The following N4BP1 variants were observed in gnomAD, a reference collection of about 807,000 sequenced individuals.
The protein encoded by N4BP1 is NEDD4-binding protein 1.
Under a neutral mutation model 70.9 loss-of-function variants are expected in N4BP1, and 21 were observed. The ratio of observed to expected loss-of-function variants is 0.30; its 90% CI spans 0.21 to 0.43. The LOEUF (loss-of-function observed/expected upper bound fraction) is 0.43. Ranked by LOEUF, N4BP1 falls within the 20% of genes least tolerant of loss-of-function variation. N4BP1 has a pLI of 1.00. For synonymous variants in N4BP1, 387 were observed against 394.6 expected, an observed-to-expected ratio of 0.98 and a Z score of 0.23; for missense variants, 936 against 1,069.4, an observed-to-expected ratio of 0.88 and a Z score of 1.74.
intron 1 of N4BP1, among the ~76,000 whole-genome samples, chr16:48,590,507 C>G (rs1259086038): frequency 6.6e-6 from 1 of 152,120 alleles, no homozygotes; most frequent in Non-Finnish European, 1.5e-5. Flanking sequence ...GGAGGCTTGT[C>G]CAGGATTGCT....
At chr16:48,555,325 C>G (rs1347116186) in intron 2 of N4BP1, among the ~76,000 whole-genome samples, 1 of 152,170 alleles carries the variant, frequency 6.6e-6, no homozygotes, top group Non-Finnish European at 1.5e-5. Flanking sequence ...GGATCATACT[C>G]CGGCTTCCTC....
chr16:48,605,592 G>A (rs1964567607), intron 1 of N4BP1, among the ~76,000 whole-genome samples: 1 of 152,000 alleles, frequency 6.6e-6, no homozygotes, highest in Non-Finnish European at 1.5e-5. Flanking sequence ...CTCTTATAAG[G>A]ACTTCTCACT....
chr16:48,570,531 GA>G (rs1413121114), intron 1 of N4BP1, among the ~76,000 whole-genome samples: 2 of 152,156 alleles, frequency 1.3e-5, no homozygotes, highest in African/African-American at 4.8e-5. Context: ...TATTTTAGTA[GA>G]GATGGGGTTT....
rs1366709942 is a variant in N4BP1 at position 48,559,819 on chromosome 16, C to T, written c.1889+935G>A. 3.3e-5 allele frequency: 5 copies of T among 152,304 alleles called. No individual in the cohort carries two copies. The East Asian group carries it at 9.6e-4, about 29-fold the overall frequency. The allele number at this position is 152,304 out of a possible 1,614,324, so 9.4% of individuals were successfully genotyped here. ...TCCTGGTTCAGGGTGCTGCCAGATT[C>T]GTAAATCATTGTTCGTGCAGATCAA... is the stretch of plus-strand genomic sequence containing the variant. On this transcript the variant is annotated intron_variant, in intron 2 of 6. Transcript: ENST00000262384.
At chr16:48,575,765 T>C (rs1180624117) in intron 1 of N4BP1, among the ~76,000 whole-genome samples, 4 of 151,988 alleles carry the variant, frequency 2.6e-5, no homozygotes, top group Non-Finnish European at 5.9e-5. Context: ...CAAATGGCAA[T>C]GGACAAACAG....
At chr16:48,590,339 A>G (rs938509162) in intron 1 of N4BP1, among the ~76,000 whole-genome samples, 4 of 152,092 alleles carry the variant, frequency 2.6e-5, no homozygotes, top group African/African-American at 9.7e-5. Flanking sequence ...TGATCCCTGA[A>G]CGCTGGGGGA....
In N4BP1 at chr16:48,561,408, T is replaced by G. The variant is rs1162588466; in HGVS notation, c.1235A>C (p.Lys412Thr). ...CTCATTTGTGCTGCTATAAACACCT[T>G]TATTTTTGGTTTTGTTGGTCTCTGG... ...VYPETNKTKNKGVYSSTNELT... is the reference protein window; with the variant it reads ...VYPETNKTKNTGVYSSTNELT... The change falls in exon 2 of 7, where the codon AAA becomes ACA. Residue 412 changes from lysine (K) to threonine (T), a missense_variant. Around this residue, in one of 4 missense-constraint regions of N4BP1, gnomAD observed 515 missense variants for 491.7 expected, o/e 1.05. Transcript: ENST00000262384. 1 of 1,613,926 alleles carries G rather than the reference T, an allele frequency of 6.2e-7. No individual in the cohort carries two copies. Among genetic ancestry groups the G allele is most frequent in the Admixed American group, 1.7e-5 (1 of 60,004 alleles).
At chr16:48,609,594 G>T (rs1374862825) in intron 1 of N4BP1, among the ~76,000 whole-genome samples, 181 bp downstream of exon 1, 1 of 152,210 alleles carries the variant, frequency 6.6e-6, no homozygotes, top group Non-Finnish European at 1.5e-5. Context: ...GAGGCTCCGG[G>T]GATCAAGCCG....
chr16:48,599,681 T>C (rs1964468444), intron 1 of N4BP1, among the ~76,000 whole-genome samples: 1 of 152,240 alleles, frequency 6.6e-6, no homozygotes, highest in African/African-American at 2.4e-5. Context: ...CATATTTTGT[T>C]TAGGGTAGCG....
intron 2 of N4BP1, among the ~76,000 whole-genome samples, chr16:48,554,956 C>A (rs542641264): frequency 6.6e-6 from 1 of 152,344 alleles, no homozygotes; most frequent in African/African-American, 2.4e-5. Context: ...AAGGATCTGG[C>A]CAAGTGACCC....
chr16:48,593,673 T>C (rs536836234), intron 1 of N4BP1, among the ~76,000 whole-genome samples: 1 of 152,346 alleles, frequency 6.6e-6, no homozygotes, highest in East Asian at 1.9e-4. Context: ...TCTTACCTTA[T>C]GGTCAAACTA....
chr16:48,603,306 C>CA (rs1182474527), intron 1 of N4BP1, among the ~76,000 whole-genome samples: 1 of 151,690 alleles, frequency 6.6e-6, no homozygotes, highest in Non-Finnish European at 1.5e-5. Flanking sequence ...TAGTCCTTCC[C>CA]AGGACTCTGC....
intron 5 of N4BP1, 111 bp downstream of exon 5, chr16:48,547,896 T>C: frequency 2.8e-6 from 2 of 715,692 alleles, no homozygotes; most frequent in Non-Finnish European, 4.9e-6. Context: ...GTCCCCTATA[T>C]TGCCTTCTGT....
intron 1 of N4BP1, among the ~76,000 whole-genome samples, chr16:48,590,528 C>T (rs914677266): frequency 1.3e-4 from 20 of 152,290 alleles, no homozygotes; most frequent in South Asian, 6.2e-4. Flanking sequence ...CTTGTGGCTA[C>T]CTGCCTGTGG....
At chr16:48,573,654 G>A (rs960305934) in intron 1 of N4BP1, among the ~76,000 whole-genome samples, 2 of 151,974 alleles carry the variant, frequency 1.3e-5, no homozygotes, top group African/African-American at 4.8e-5. Context: ...AAACAATACA[G>A]ATAAGGGGTA....
intron 1 of N4BP1, among the ~76,000 whole-genome samples, chr16:48,576,860 C>T (rs1427993057): frequency 6.6e-6 from 1 of 152,208 alleles, no homozygotes; most frequent in Non-Finnish European, 1.5e-5. Flanking sequence ...TTCAAATCCA[C>T]TGCTGATGCG....
intron 1 of N4BP1, among the ~76,000 whole-genome samples, chr16:48,608,096 A>G (rs897020508): frequency 2.6e-5 from 4 of 152,206 alleles, no homozygotes; most frequent in African/African-American, 9.7e-5. Context: ...CCCTGTCTCA[A>G]ACAGAAAAAA....
At chr16:48,549,066 A>G (rs1963629880) in intron 4 of N4BP1, among the ~76,000 whole-genome samples, 1 of 152,142 alleles carries the variant, frequency 6.6e-6, no homozygotes, top group Non-Finnish European at 1.5e-5. Flanking sequence ...GAGGATGTGA[A>G]TTTTATCCCT....
At chr16:48,609,550 C>G (rs1964643944) in intron 1 of N4BP1, among the ~76,000 whole-genome samples, 2 of 152,238 alleles carry the variant, frequency 1.3e-5, no homozygotes, top group African/African-American at 4.8e-5. Context: ...GAGGTAGGTA[C>G]TTTCGTCAGC....
Sources: gnomAD v4.1 joint callset for allele counts (sites outside exome capture counted in the v4.1 genomes callset) on GRCh38, gnomAD v4.1.1 for gene constraint, gnomAD v4.1.1 regional missense constraint, MANE v1.5 for transcripts, NCBI Gene and HGNC (gene_info 2026-07-23, HGNC 2026-07-21) for gene names.